BAZ1B: variants seen among roughly 807,000 people sequenced by gnomAD.
The protein encoded by BAZ1B is bromodomain adjacent to zinc finger domain 1B.
In BAZ1B, 22 loss-of-function variants were observed where a neutral mutation model predicts 153.8. The observed-to-expected ratio is 0.14, with a 90% CI of 0.10 to 0.20. BAZ1B has a LOEUF of 0.20. Among genes scored for constraint, BAZ1B ranks in the 10% least tolerant of loss-of-function variants. The probability of loss-of-function intolerance (pLI) is 1.00; values close to 1 mark genes in which losing one functional copy is unlikely to be tolerated. For missense variants in BAZ1B, 1,325 were observed against 1,799.3 expected, an observed-to-expected ratio of 0.74 and a Z score of 4.77; for synonymous variants, 676 against 633.4, an observed-to-expected ratio of 1.07 and a Z score of -1.01.
intron 1 of BAZ1B, among the ~76,000 whole-genome samples, chr7:73,518,912 T>C (rs1354381575): frequency 6.6e-6 from 1 of 152,190 alleles, no homozygotes; most frequent in Non-Finnish European, 1.5e-5. Flanking sequence ...ACACGCTGCT[T>C]GTAGCTCCAA....
intron 7 of BAZ1B, among the ~76,000 whole-genome samples, chr7:73,473,866 G>A (rs1368494684): frequency 7.2e-5 from 11 of 152,172 alleles, no homozygotes; most frequent in African/African-American, 2.7e-4. Flanking sequence ...TCGGGAGGCC[G>A]AAGTGGGAGG....
chr7:73,453,836 G>A (rs1788097501), intron 13 of BAZ1B, among the ~76,000 whole-genome samples: 2 of 151,798 alleles, frequency 1.3e-5, no homozygotes, highest in African/African-American at 2.4e-5. Context: ...AGAAAAAGCC[G>A]GGTATGGTGG....
chr7:73,459,685 C>G lies in BAZ1B; in HGVS notation c.3283G>C (p.Glu1095Gln). 1 of 1,607,070 alleles carries G rather than the reference C, an allele frequency of 6.2e-7. No homozygotes were observed. Among genetic ancestry groups the G allele is most frequent in the Non-Finnish European group, 8.5e-7 (1 of 1,178,124 alleles). ...CTGGCCTGAAGGGCAATCACACACTCACCAAAATCCTTCAATTTCTCTAAT... is the reference window on the plus strand; with the variant it reads ...CTGGCCTGAAGGGCAATCACACACTGACCAAAATCCTTCAATTTCTCTAAT... The part of the protein sequence containing the change: ...ISLEKLKDFG[E>Q]CVIALQASVI... The change falls in exon 13 of 20, where the codon GAG (glutamate) becomes CAG (glutamine). Residue 1095 changes from glutamate to glutamine, a missense_variant. Coordinates refer to ENST00000339594, the MANE Select transcript of BAZ1B (RefSeq NM_032408.4).
Position 73,492,807 on chromosome 7 carries a change from T to C in BAZ1B, c.686A>G (p.Glu229Gly), listed in dbSNP as rs1554575745. Residue 229 changes from glutamate (E) to glycine (G), a missense_variant, in exon 5 of 20, where the codon GAA becomes GGA. Glu to Gly is a moderately conservative substitution (Grantham distance 98). This residue lies in a region of BAZ1B where 153 missense variants were observed against 204.8 expected (regional missense o/e 0.75). Coordinates refer to ENST00000339594, the MANE Select transcript of BAZ1B (RefSeq NM_032408.4). ...PHKYDVKLQNEDKIISNVPAD... is the reference protein window; with the variant it reads ...PHKYDVKLQNGDKIISNVPAD... The stretch of plus-strand genomic sequence containing the variant: ...AGTAAAGTGTCAACTAACCTTATCT[T>C]CATTTTGTAGTTTCACATCATATTT... 6.2e-7 allele frequency: 1 copy of C among 1,603,500 alleles called. No homozygotes were observed. The highest frequency in any genetic ancestry group is 1.7e-5 in the Admixed American group (1 of 57,888).
At chr7:73,465,038 A>T (rs1376306423) in intron 11 of BAZ1B, among the ~76,000 whole-genome samples, 3 of 152,030 alleles carry the variant, frequency 2.0e-5, no homozygotes, top group Non-Finnish European at 4.4e-5. Context: ...CAAGGCCTGG[A>T]TATATACTAA....
intron 11 of BAZ1B, 138 bp from the exon 12 acceptor site, chr7:73,463,237 T>C (rs2116287032): frequency 3.7e-6 from 3 of 811,772 alleles, no homozygotes; most frequent in East Asian, 2.8e-5. Context: ...TTTTTCTTTT[T>C]TCTTTTTTTT....
chr7:73,513,079 G>A lies in BAZ1B; in HGVS notation c.108-2227C>T, dbSNP rs117620375. ...AAGCAATCCTGGGCCTCAGCCTCCT[G>A]AGTAGCTAGGACTACAGGTGCACAC... is the stretch of plus-strand genomic sequence containing the variant. On this transcript the variant is annotated intron_variant, in intron 1 of 19. Coordinates refer to ENST00000339594, the MANE Select transcript of BAZ1B (RefSeq NM_032408.4). 1.4e-3 allele frequency among the ~76,000 whole-genome samples: 218 copies of A among 152,230 alleles called. 5 individuals carry two copies. The East Asian group carries it at 0.04, about 28-fold the overall frequency.
intron 4 of BAZ1B, among the ~76,000 whole-genome samples, chr7:73,497,065 C>CAAAAAAAAAAAAAAA (rs1156829240): frequency 0.039 from 1,915 of 49,122 alleles, 43 homozygotes; most frequent in Non-Finnish European, 0.052. Context: ...CTGACCTCTA[C>CAAAAAAAAAAAAAAA]AAAAAAAAAA....
chr7:73,474,235 C>T (rs1788918673), intron 7 of BAZ1B, among the ~76,000 whole-genome samples: 1 of 148,372 alleles, frequency 6.7e-6, no homozygotes, highest in African/African-American at 2.5e-5. Flanking sequence ...GAGCCACATG[C>T]AAAAAAAAAT....
Position 73,494,253 on chromosome 7 carries a change from C to T in BAZ1B, c.572-1332G>A, listed in dbSNP as rs567291310. ...AAAAAATTAGCTGGGCATGGTGGCACGTGCCTGTAATCCCAGCTACTCGGG... is the reference window on the plus strand; with the variant it reads ...AAAAAATTAGCTGGGCATGGTGGCATGTGCCTGTAATCCCAGCTACTCGGG... On this transcript the variant is annotated intron_variant, in intron 4 of 19. Transcript: ENST00000339594. 2.7e-4 allele frequency among the ~76,000 whole-genome samples: 41 copies of T among 152,044 alleles called. 1 individual carries two copies. In the South Asian group the frequency reaches 8.3e-3, roughly 31 times the overall value.
chr7:73,481,422 C>G (rs1583918353), intron 6 of BAZ1B, among the ~76,000 whole-genome samples: 1 of 149,404 alleles, frequency 6.7e-6, no homozygotes, highest in East Asian at 2.0e-4. Flanking sequence ...GAGGCTGAGG[C>G]AGGAGAATGG....
intron 6 of BAZ1B, among the ~76,000 whole-genome samples, chr7:73,484,679 G>C (rs1180090059): frequency 1.3e-5 from 2 of 152,138 alleles, no homozygotes; most frequent in Non-Finnish European, 2.9e-5. Flanking sequence ...AATACTATGA[G>C]TAATGGACAA....
intron 6 of BAZ1B, among the ~76,000 whole-genome samples, chr7:73,480,143 G>A (rs533972216): frequency 3.8e-4 from 56 of 149,108 alleles, no homozygotes; most frequent in African/African-American, 1.3e-3. Flanking sequence ...GGGCGATGGA[G>A]CAAGACTCTG....
chr7:73,506,673 G>C (rs551639964), intron 3 of BAZ1B, among the ~76,000 whole-genome samples: 1 of 149,274 alleles, frequency 6.7e-6, no homozygotes, highest in Non-Finnish European at 1.5e-5. Flanking sequence ...CCAACATGGA[G>C]AGAACCCGTC....
intron 7 of BAZ1B, among the ~76,000 whole-genome samples, chr7:73,472,554 C>T (rs1210346664): frequency 3.3e-5 from 5 of 152,230 alleles, no homozygotes; most frequent in South Asian, 2.1e-4. Flanking sequence ...CCACTGCGCC[C>T]GGCCGCAGTT....
intron 1 of BAZ1B, among the ~76,000 whole-genome samples, chr7:73,511,558 A>G (rs1161144112): frequency 6.6e-6 from 1 of 152,114 alleles, no homozygotes; most frequent in East Asian, 1.9e-4. Context: ...AAAAAAATTA[A>G]TATTTTAGTA....
chr7:73,512,987 C>A (rs1329529011), intron 1 of BAZ1B, among the ~76,000 whole-genome samples: 1 of 152,162 alleles, frequency 6.6e-6, no homozygotes, highest in Non-Finnish European at 1.5e-5. Flanking sequence ...CAGGGTCTCA[C>A]TCTGTCACCC....
intron 11 of BAZ1B, 43 bp downstream of exon 11, chr7:73,465,396 T>G (rs782250149): frequency 3.1e-6 from 4 of 1,310,734 alleles, no homozygotes; most frequent in Non-Finnish European, 4.2e-6. Context: ...TATCCAATGC[T>G]AAAGAGAAGT....
intron 7 of BAZ1B, among the ~76,000 whole-genome samples, chr7:73,475,303 TA>T (rs1471242340): frequency 4.6e-5 from 7 of 152,104 alleles, no homozygotes; most frequent in African/African-American, 1.2e-4. Context: ...TCATAATAGG[TA>T]AAAGATGAAA....
Sources: gnomAD v4.1 joint callset for allele counts (sites outside exome capture counted in the v4.1 genomes callset) on GRCh38, gnomAD v4.1.1 for gene constraint, gnomAD v4.1.1 regional missense constraint, MANE v1.5 for transcripts, NCBI Gene and HGNC (gene_info 2026-07-23, HGNC 2026-07-21) for gene names.